NDST4: variants seen among roughly 807,000 people sequenced by gnomAD.
NDST4 encodes the protein N-deacetylase and N-sulfotransferase 4.
NDST4 carries 63 observed loss-of-function variants against 100.8 expected under a neutral mutation model. That is an observed-to-expected ratio of 0.62 (90% confidence interval 0.51 to 0.77). The LOEUF is 0.77. NDST4 is among the 30% of genes least tolerant of loss of function. The pLI is 0.00. For missense variants in NDST4, 943 were observed against 1,018.4 expected (o/e 0.93, Z 1.01); for synonymous variants, 377 against 361.8 (o/e 1.04, Z -0.48).
intron 10 of NDST4, among the ~76,000 whole-genome samples, chr4:114,843,421 C>T (rs1278365753): frequency 3.9e-5 from 6 of 152,216 alleles, no homozygotes; most frequent in Non-Finnish European, 8.8e-5. Context: ...ATCAACACTA[C>T]TACAGATCAT....
chr4:114,866,490 C>T (rs568244674), intron 7 of NDST4, among the ~76,000 whole-genome samples: 1 of 152,210 alleles, frequency 6.6e-6, no homozygotes, highest in Non-Finnish European at 1.5e-5. Context: ...CATTACATCA[C>T]TATTTACTAT....
rs375031549 is a variant in NDST4, at chr4:114,994,900, A to T, written c.979-17626T>A. Among the ~76,000 whole-genome samples, 16 of 152,084 alleles carry T rather than the reference A, an allele frequency of 1.1e-4. No individual in the cohort carries two copies. The East Asian group carries it at 2.7e-3, about 26-fold the overall frequency. On this transcript the variant is annotated intron_variant, in intron 2 of 13. Transcript: ENST00000264363. The stretch of plus-strand genomic sequence containing the variant: ...ATGAAGGGAATCATAAAATCTCCAC[A>T]AATTTCTTAAGCAGCAGAAGAAAAA...
chr4:114,936,304 G>T (rs1369447464), intron 5 of NDST4, among the ~76,000 whole-genome samples: 1 of 152,076 alleles, frequency 6.6e-6, no homozygotes, highest in African/African-American at 2.4e-5. Flanking sequence ...TAAATCTGAG[G>T]CTTCTTCAGG....
chr4:115,020,015 T>G (rs1173092661), intron 2 of NDST4, among the ~76,000 whole-genome samples: 1 of 152,158 alleles, frequency 6.6e-6, no homozygotes, highest in Non-Finnish European at 1.5e-5. Flanking sequence ...AGTGGGATTA[T>G]TGCCATAACA....
chr4:114,876,951 C>T (rs1210850519), intron 6 of NDST4, among the ~76,000 whole-genome samples: 1 of 152,146 alleles, frequency 6.6e-6, no homozygotes, highest in Non-Finnish European at 1.5e-5. Flanking sequence ...TTTCAGGTGA[C>T]TGTCTGAGTT....
intron 1 of NDST4, among the ~76,000 whole-genome samples, chr4:115,078,080 T>A (rs475441): frequency 0.16 from 24,099 of 152,082 alleles, 2,315 homozygotes; most frequent in East Asian, 0.46. Context: ...TCAAAAAAAA[T>A]GAATGTAGAA....
intron 1 of NDST4, among the ~76,000 whole-genome samples, chr4:115,086,999 C>G (rs964346533): frequency 6.6e-6 from 1 of 151,976 alleles, no homozygotes; most frequent in Admixed American, 6.6e-5. Flanking sequence ...ATATTTATAG[C>G]TAAGATTTCA....
chr4:114,888,403 T>C (rs1392296534), intron 6 of NDST4, among the ~76,000 whole-genome samples: 1 of 152,090 alleles, frequency 6.6e-6, no homozygotes, highest in Non-Finnish European at 1.5e-5. Flanking sequence ...GGCTCAAGCT[T>C]AAAGGCATTT....
intron 7 of NDST4, among the ~76,000 whole-genome samples, chr4:114,861,804 C>T (rs1723923152): frequency 6.6e-6 from 1 of 152,082 alleles, no homozygotes; most frequent in African/African-American, 2.4e-5. Context: ...CCAATAGTTT[C>T]AGCACCGCTT....
At chr4:115,093,518 A>C (rs1346071974) in intron 1 of NDST4, among the ~76,000 whole-genome samples, 2 of 152,054 alleles carry the variant, frequency 1.3e-5, no homozygotes, top group African/African-American at 4.8e-5. Context: ...AATATGACTA[A>C]CAAATTTGGT....
intron 6 of NDST4, among the ~76,000 whole-genome samples, chr4:114,908,045 T>A (rs1462826312): frequency 6.6e-6 from 1 of 152,148 alleles, no homozygotes; most frequent in East Asian, 1.9e-4. Context: ...CTGGTGGCAG[T>A]GTTAAAAGGT....
At chr4:115,060,922 T>C (rs2126283282) in intron 2 of NDST4, among the ~76,000 whole-genome samples, 1 of 152,108 alleles carries the variant, frequency 6.6e-6, no homozygotes, top group African/African-American at 2.4e-5. Flanking sequence ...TATATTTGGG[T>C]ACGTTGAAAT....
chr4:114,937,310 G>C lies in NDST4; in HGVS notation c.1407+8C>G. The C allele has an allele frequency of 6.2e-7, 1 of 1,613,556 alleles. No individual in the cohort carries two copies. The highest frequency in any genetic ancestry group is 8.5e-7 in the Non-Finnish European group (1 of 1,179,498). On this transcript the variant is annotated splice_region_variant and intron_variant, in intron 5 of 13. Coordinates refer to ENST00000264363, the MANE Select transcript of NDST4 (RefSeq NM_022569.3). ...CATCCTTCAATATACATGGCTCTCT[G>C]TGCTCACCATGATGCTATTGTGAAT...
At chr4:114,955,893 T>A (rs1726128130) in intron 4 of NDST4, 1 of 152,284 alleles carries the variant, frequency 6.6e-6, no homozygotes, top group Non-Finnish European at 1.5e-5. Context: ...TAGGGCTACA[T>A]CTCTCTGTAG....
chr4:115,026,226 A>G (rs1194282634), intron 2 of NDST4, among the ~76,000 whole-genome samples: 1 of 152,106 alleles, frequency 6.6e-6, no homozygotes, highest in Non-Finnish European at 1.5e-5. Flanking sequence ...TTGGGTCAGT[A>G]AAAAGCTCTC....
At chr4:114,849,296 A>G (rs563731816) in intron 8 of NDST4, among the ~76,000 whole-genome samples, 1 of 152,354 alleles carries the variant, frequency 6.6e-6, no homozygotes, top group African/African-American at 2.4e-5. Context: ...CTCATAAATC[A>G]AGACTTTTCT....
At chr4:114,829,219 T>C (rs982981864) in intron 13 of NDST4, among the ~76,000 whole-genome samples, 2 of 152,164 alleles carry the variant, frequency 1.3e-5, no homozygotes, top group Non-Finnish European at 2.9e-5. Flanking sequence ...TTCTACCAGA[T>C]AAGACATTTC....
chr4:115,108,313 G>T (rs939789383), intron 1 of NDST4, among the ~76,000 whole-genome samples: 5 of 151,970 alleles, frequency 3.3e-5, no homozygotes, highest in Admixed American at 6.6e-5. Context: ...AGAAGAAGAA[G>T]AACTCTTTTG....
At chr4:114,853,375 T>A (rs1723721105) in intron 7 of NDST4, among the ~76,000 whole-genome samples, 1 of 152,148 alleles carries the variant, frequency 6.6e-6, no homozygotes, top group African/African-American at 2.4e-5. Context: ...GGTTTTATAT[T>A]GCAAATATAT....
Sources: gnomAD v4.1 joint callset for allele counts (sites outside exome capture counted in the v4.1 genomes callset) on GRCh38, gnomAD v4.1.1 for gene constraint, MANE v1.5 for transcripts, NCBI Gene and HGNC (gene_info 2026-07-23, HGNC 2026-07-21) for gene names.